HGSNAT: variants seen among roughly 807,000 people sequenced by gnomAD.
HGSNAT encodes the protein heparan-alpha-glucosaminide N-acetyltransferase.
HGSNAT carries 59 observed loss-of-function variants against 85.2 expected under a neutral mutation model. The ratio of observed to expected loss-of-function variants is 0.69; its 90% CI spans 0.56 to 0.86. HGSNAT has a LOEUF of 0.86. Among genes scored for constraint, HGSNAT ranks in the 40% least tolerant of loss-of-function variants. The probability of loss-of-function intolerance (pLI) is 0.00; values close to 1 mark genes in which losing one functional copy is unlikely to be tolerated. For synonymous variants in HGSNAT, 321 were observed against 304.5 expected, an observed-to-expected ratio of 1.05 and a Z score of -0.56; for missense variants, 756 against 777.1, an observed-to-expected ratio of 0.97 and a Z score of 0.32.
chr8:43,197,420 T>C (rs1006284588), intron 15 of HGSNAT: 2 of 558,972 alleles, frequency 3.6e-6, no homozygotes, highest in East Asian at 5.9e-5. Context: ...CCATGCCTCC[T>C]CTTCAGAGTC....
intron 1 of HGSNAT, among the ~76,000 whole-genome samples, chr8:43,143,678 T>C (rs1032875549): frequency 5.3e-5 from 8 of 151,844 alleles, no homozygotes; most frequent in Non-Finnish European, 7.4e-5. Flanking sequence ...GCTGGGACTA[T>C]AGGCACCCAC....
chr8:43,169,369 A>G, intron 6 of HGSNAT, 127 bp downstream of exon 6: 2 of 577,716 alleles, frequency 3.5e-6, no homozygotes, highest in Non-Finnish European at 6.0e-6. Context: ...TAGCTCCCGT[A>G]TTCCTAATAG....
chr8:43,197,807 C>T (rs760440183), intron 16 of HGSNAT, 33 bp from the exon 17 acceptor site: 22 of 1,598,862 alleles, frequency 1.4e-5, no homozygotes, highest in Middle Eastern at 1.7e-4. Context: ...TTGTTCCGTA[C>T]GAGCACTGAA....
intron 15 of HGSNAT, chr8:43,197,236 T>C (rs1330384158): frequency 5.1e-6 from 3 of 588,778 alleles, no homozygotes; most frequent in Admixed American, 2.9e-5. Flanking sequence ...AATAAGGCAG[T>C]GTTTGCCATC....
At chr8:43,140,910 C>G (rs1802503605) in intron 1 of HGSNAT, among the ~76,000 whole-genome samples, 1 of 152,188 alleles carries the variant, frequency 6.6e-6, no homozygotes, top group African/African-American at 2.4e-5. Flanking sequence ...CTGGCGCCTT[C>G]CGTCTAAACA....
chr8:43,159,184 C>T (rs1341818888), intron 4 of HGSNAT, 140 bp downstream of exon 4: 11 of 662,904 alleles, frequency 1.7e-5, no homozygotes, highest in Non-Finnish European at 2.2e-5. Flanking sequence ...GAGCACCACT[C>T]CCCCCAAAAA....
At chr8:43,140,827 A>C (rs1802498333) in intron 1 of HGSNAT, among the ~76,000 whole-genome samples, 2 of 151,014 alleles carry the variant, frequency 1.3e-5, no homozygotes, top group South Asian at 4.3e-4. Flanking sequence ...GAGGCGGGGG[A>C]GGGGGCGGTT....
intron 11 of HGSNAT, chr8:43,182,526 C>T: frequency 4.3e-6 from 2 of 461,940 alleles, no homozygotes; most frequent in Non-Finnish European, 8.0e-6. Flanking sequence ...TCACTGAAGC[C>T]TCAACATCCC....
At chr8:43,169,284 T>C in intron 6 of HGSNAT, 42 bp downstream of exon 6, 1 of 1,257,890 alleles carries the variant, frequency 7.9e-7, no homozygotes, top group Non-Finnish European at 1.1e-6. Context: ...GGTGGTTTTC[T>C]AAACTTGGAA....
chr8:43,191,767 G>A (rs1007011674), intron 12 of HGSNAT, among the ~76,000 whole-genome samples, 172 bp downstream of exon 12: 1 of 152,138 alleles, frequency 6.6e-6, no homozygotes, highest in African/African-American at 2.4e-5. Flanking sequence ...TGATTTCCCT[G>A]TGGGTGGTGT....
intron 2 of HGSNAT, among the ~76,000 whole-genome samples, chr8:43,156,779 T>C (rs1280283905): frequency 6.6e-6 from 1 of 152,178 alleles, no homozygotes; most frequent in Non-Finnish European, 1.5e-5. Flanking sequence ...TGGCCTTCTT[T>C]TTCTCTTTTT....
chr8:43,156,285 C>G (rs1803091883), intron 2 of HGSNAT, among the ~76,000 whole-genome samples: 1 of 152,262 alleles, frequency 6.6e-6, no homozygotes, highest in Non-Finnish European at 1.5e-5. Flanking sequence ...TACATTTTCT[C>G]AAGAAAATTT....
At chr8:43,169,857 G>C (rs563731637) in intron 6 of HGSNAT, among the ~76,000 whole-genome samples, 1 of 152,166 alleles carries the variant, frequency 6.6e-6, no homozygotes, top group Non-Finnish European at 1.5e-5. Flanking sequence ...ATCTTACTCT[G>C]TTGCCCAGGC....
chr8:43,143,694 C>T (rs930813431), intron 1 of HGSNAT, among the ~76,000 whole-genome samples: 4 of 151,302 alleles, frequency 2.6e-5, no homozygotes, highest in Non-Finnish European at 2.9e-5. Context: ...CCCACCATCA[C>T]GCCTGGCTAA....
At position 43,178,210 on chromosome 8, in the gene HGSNAT, A is replaced by C. The variant is rs1803882440; in HGVS notation, c.988A>C (p.Asn330His). 1 of 1,552,518 alleles carries C rather than the reference A, an allele frequency of 6.4e-7. No homozygotes were observed. Among genetic ancestry groups the C allele is most frequent in the Non-Finnish European group, 8.7e-7 (1 of 1,153,492 alleles). The change falls in exon 10 of 18, where the codon AAT becomes CAT. Residue 330 changes from asparagine (N) to histidine (H), a missense_variant. Transcript: ENST00000379644. The stretch of plus-strand genomic sequence containing the variant: ...AATCTGCATAGGAATTATCATTGTG[A>C]ATCCCAATTATTGCCTTGGTCCATG... The part of the protein sequence containing the change: ...LLICIGIIIV[N>H]PNYCLGPLSW...
chr8:43,198,424 A>C (rs2130823265), intron 17 of HGSNAT, among the ~76,000 whole-genome samples: 1 of 151,166 alleles, frequency 6.6e-6, no homozygotes, highest in African/African-American at 2.4e-5. Flanking sequence ...AGTAGCTGGG[A>C]CTACAGGCGC....
rs774706774 is a variant in HGSNAT, at chr8:43,173,760, C to T, written c.851+17C>T. 3 of 1,609,922 alleles carry T rather than the reference C, an allele frequency of 1.9e-6. No homozygotes were observed. The highest frequency in any genetic ancestry group is 4.5e-5 in the East Asian group (2 of 44,798). On this transcript the variant is annotated intron_variant, in intron 9 of 17. Transcript: ENST00000379644. ...GTTCCCGTGGTGAGTTGCCGGTCTG[C>T]CCTCTTCTCTTCCACGGGTTGACTC...
At chr8:43,175,422 TG>T (rs1803774315) in intron 9 of HGSNAT, among the ~76,000 whole-genome samples, 1 of 152,158 alleles carries the variant, frequency 6.6e-6, no homozygotes, top group Non-Finnish European at 1.5e-5. Flanking sequence ...CCATTTTAAC[TG>T]GGGTAAGATG....
intron 1 of HGSNAT, among the ~76,000 whole-genome samples, chr8:43,143,747 C>T (rs1266732740): frequency 6.6e-6 from 1 of 151,158 alleles, no homozygotes; most frequent in African/African-American, 2.4e-5. Flanking sequence ...GGGGTTTCAC[C>T]GTGTTAGCCA....
Sources: allele counts gnomAD v4.1 joint callset (sites outside exome capture counted in the v4.1 genomes callset), GRCh38; gene constraint gnomAD v4.1.1; transcripts MANE v1.5; gene names NCBI Gene and HGNC (gene_info 2026-07-23, HGNC 2026-07-21).